Variants in PSMD9 observed in about 807,000 individuals in gnomAD.
PSMD9 encodes the protein proteasome 26S subunit, non-ATPase 9.
In PSMD9, 26 loss-of-function variants were observed where a neutral mutation model predicts 25.9. The observed-to-expected ratio is 1.00, with a 90% CI of 0.73 to 1.39. The LOEUF (loss-of-function observed/expected upper bound fraction) is 1.39. Among genes scored for constraint, PSMD9 ranks in the 40% most tolerant of loss-of-function variants. PSMD9 has a pLI of 0.00. For missense variants in PSMD9, 303 were observed against 299.3 expected, an observed-to-expected ratio of 1.01 and a Z score of -0.09; for synonymous variants, 110 against 114.5, an observed-to-expected ratio of 0.96 and a Z score of 0.25.
intron 3 of PSMD9, chr12:121,902,145 A>C (rs1400663488): frequency 6.6e-6 from 1 of 152,212 alleles, no homozygotes; most frequent in Non-Finnish European, 1.5e-5. Context: ...AGATGTAGTT[A>C]AATTTAATTC....
chr12:121,908,797 C>T (rs564122601), intron 4 of PSMD9, among the ~76,000 whole-genome samples: 11 of 151,996 alleles, frequency 7.2e-5, no homozygotes, highest in African/African-American at 2.7e-4. Flanking sequence ...TTTCTCTGGT[C>T]GAGGGGAAGC....
At chr12:121,914,641 C>G (rs997405045) in intron 4 of PSMD9, 18 of 152,148 alleles carry the variant, frequency 1.2e-4, no homozygotes, top group African/African-American at 4.1e-4. Flanking sequence ...CACTTGAGCC[C>G]AGGAGTTTGA....
At chr12:121,893,778 A>T (rs1002780222) in intron 1 of PSMD9, 3 of 152,148 alleles carry the variant, frequency 2.0e-5, no homozygotes, top group African/African-American at 7.2e-5. Context: ...ACATAATTAC[A>T]TCTACAAAGA....
chr12:121,893,407 G>T (rs1302075238), intron 1 of PSMD9, among the ~76,000 whole-genome samples: 1 of 152,172 alleles, frequency 6.6e-6, no homozygotes, highest in Non-Finnish European at 1.5e-5. Context: ...CTTGTCCCTG[G>T]ACTGACTAAT....
rs777359445 is a variant in PSMD9 at position 121,916,312 on chromosome 12, T to C, written c.*1T>C. 1.2e-6 allele frequency: 2 copies of C among 1,614,090 alleles called. No homozygotes were observed. The highest frequency in any genetic ancestry group is 1.7e-5 in the Admixed American group (1 of 60,010). On this transcript the variant is annotated 3_prime_UTR_variant, in exon 6 of 6. Coordinates refer to ENST00000541212, the MANE Select transcript of PSMD9 (RefSeq NM_002813.7). ...CAACATTATTCCTCTGCAAAGATGA[T>C]TGTCCCTGGGGAACAGTAACAGGAA...
rs1219172764 is a variant in PSMD9, at chr12:121,894,859, A to G, written c.241+18A>G. On this transcript the variant is annotated intron_variant, in intron 2 of 5. Coordinates refer to ENST00000541212, the MANE Select transcript of PSMD9 (RefSeq NM_002813.7). ...CATCATATGTGAGTGGCCCTCTTAG[A>G]AGACTTTCCCCACCTTGTGGTGGGA... 6.2e-7 allele frequency: 1 copy of G among 1,603,916 alleles called. No homozygotes were observed. The highest frequency in any genetic ancestry group is 8.5e-7 in the Non-Finnish European group (1 of 1,173,470).
At chr12:121,890,056 T>TA (rs1565888833) in intron 1 of PSMD9, among the ~76,000 whole-genome samples, 1 of 152,102 alleles carries the variant, frequency 6.6e-6, no homozygotes, top group African/African-American at 2.4e-5. Context: ...TAGTAGGGAT[T>TA]ACAGGCGAGC....
rs1336242620 is a variant in PSMD9 at position 121,915,916 on chromosome 12, A to G, written c.616A>G (p.Thr206Ala). 1 of 1,614,004 alleles carries G rather than the reference A, an allele frequency of 6.2e-7. No homozygotes were observed. The highest frequency in any genetic ancestry group is 1.7e-5 in the Admixed American group (1 of 59,962). ...AAAACACCAGCTTAGACTTGTTCCA[A>G]CACGCTGGGCAGGAAAAGGACTGCT... ...GEKHQLRLVP[T>A]RWAGKGLLGC... Residue 206 changes from threonine to alanine, a missense_variant, in exon 5 of 6, where the codon ACA becomes GCA. Physicochemically the swap from Thr to Ala is moderately conservative, Grantham distance 58 (BLOSUM62 0). Transcript: ENST00000541212.
intron 1 of PSMD9, among the ~76,000 whole-genome samples, chr12:121,892,908 T>A (rs562552047): frequency 6.6e-6 from 1 of 152,190 alleles, no homozygotes; most frequent in African/African-American, 2.4e-5. Flanking sequence ...CTTTTACACT[T>A]TACATGGGTC....
intron 2 of PSMD9, among the ~76,000 whole-genome samples, chr12:121,895,157 T>C (rs1879196425): frequency 6.6e-6 from 1 of 152,072 alleles, no homozygotes; most frequent in Non-Finnish European, 1.5e-5. Context: ...GTGCTCCTTC[T>C]GCCTCAGCCT....
intron 4 of PSMD9, chr12:121,915,559 G>T (rs1026795656): frequency 8.6e-6 from 3 of 348,988 alleles, no homozygotes; most frequent in Non-Finnish European, 1.0e-5. Flanking sequence ...ACAGGCATTT[G>T]TATGTCTTGT....
At position 121,888,825 on chromosome 12, in the gene PSMD9, C is replaced by G. The variant is rs773746048; in HGVS notation, c.-32C>G. On this transcript the variant is annotated 5_prime_UTR_variant, in exon 1 of 6. Coordinates refer to ENST00000541212, the MANE Select transcript of PSMD9 (RefSeq NM_002813.7). ...GGGGCGTCGTCCCTAGCCCGGGAGC[C>G]GGGTCTCTGGAGTCGCGGCCCGGGG... The G allele has an allele frequency of 1.4e-5, 22 of 1,589,538 alleles. No homozygotes were observed. Among genetic ancestry groups the G allele is most frequent in the Non-Finnish European group, 1.7e-5 (20 of 1,169,152 alleles).
intron 3 of PSMD9, chr12:121,902,105 T>A (rs1879417424): frequency 6.6e-6 from 1 of 152,270 alleles, no homozygotes; most frequent in South Asian, 2.1e-4. Context: ...AGCATGTTGC[T>A]GCGAACATTC....
intron 3 of PSMD9, among the ~76,000 whole-genome samples, chr12:121,901,006 AAGG>A (rs1333529820): frequency 6.6e-6 from 1 of 150,668 alleles, no homozygotes; most frequent in African/African-American, 2.5e-5. Context: ...AAAAAAAAAA[AAGG>A]AGATGGGGTT....
At chr12:121,899,553 T>C (rs1879327588) in intron 2 of PSMD9, 81 bp from the exon 3 acceptor site, 1 of 1,335,208 alleles carries the variant, frequency 7.5e-7, no homozygotes, top group African/African-American at 1.5e-5. Flanking sequence ...TAAGCACTTG[T>C]TAACTCTTCA....
At chr12:121,902,396 A>T (rs994383742) in intron 3 of PSMD9, 13 of 152,736 alleles carry the variant, frequency 8.5e-5, no homozygotes, top group African/African-American at 2.9e-4. Context: ...GTCTTCTTTA[A>T]TGGTCACAAG....
At chr12:121,889,920 TC>T (rs1335156788) in intron 1 of PSMD9, among the ~76,000 whole-genome samples, 1 of 152,062 alleles carries the variant, frequency 6.6e-6, no homozygotes, top group Non-Finnish European at 1.5e-5. Flanking sequence ...AGATGAAGTT[TC>T]TTTTTTTTTT....
In PSMD9 at chr12:121,899,775, A is replaced by C; in HGVS notation, c.383A>C (p.Glu128Ala). ...ATGAGCCGCAAACTGGGTCAGAGTG[A>C]GAGCCAGGGCCCTCCACGGGCCTTC... is the stretch of plus-strand genomic sequence containing the variant. Reference protein sequence around the residue: ...EAMSRKLGQSESQGPPRAFAK... With the variant: ...EAMSRKLGQSASQGPPRAFAK... The change falls in exon 3 of 6, where the codon GAG becomes GCG. Residue 128 changes from glutamate (E) to alanine (A), a missense_variant. Glu to Ala is a moderately radical substitution (Grantham distance 107). Transcript: ENST00000541212. 1 of 1,614,074 alleles carries C rather than the reference A, an allele frequency of 6.2e-7. No individual in the cohort carries two copies. Among genetic ancestry groups the C allele is most frequent in the Non-Finnish European group, 8.5e-7 (1 of 1,179,942 alleles).
In PSMD9 at chr12:121,899,844, C is replaced by T. The variant is rs759177431; in HGVS notation, c.452C>T (p.Ala151Val). ...SISPGSPASI[A>V]GLQVDDEIVE... is the part of the protein sequence containing the mutation. Reference sequence around the variant, plus strand: ...AGCCCCGGCTCCCCAGCCAGCATCGCGGTAATCCAGGGGTTGGCCACTCAA... The same window carrying T: ...AGCCCCGGCTCCCCAGCCAGCATCGTGGTAATCCAGGGGTTGGCCACTCAA... Residue 151 changes from alanine (A) to valine (V), a missense_variant and splice_region_variant, in exon 3 of 6, where the codon GCG (alanine) becomes GTG (valine). Physicochemically the swap from Ala to Val is moderately conservative, Grantham distance 64 (BLOSUM62 0). Coordinates refer to ENST00000541212, the MANE Select transcript of PSMD9 (RefSeq NM_002813.7). The T allele has an allele frequency of 6.8e-6, 11 of 1,613,748 alleles. No individual in the cohort carries two copies. Among genetic ancestry groups the T allele is most frequent in the South Asian group, 2.2e-5 (2 of 91,070 alleles).
Sources: allele counts gnomAD v4.1 joint callset (sites outside exome capture counted in the v4.1 genomes callset), GRCh38; gene constraint gnomAD v4.1.1; transcripts MANE v1.5; gene names NCBI Gene and HGNC (gene_info 2026-07-23, HGNC 2026-07-21).